Variants in TRMT2B observed in about 807,000 individuals in gnomAD.
TRMT2B encodes tRNA (uracil-5-)-methyltransferase homolog B.
TRMT2B carries 34 observed loss-of-function variants against 39.7 expected under a neutral mutation model. That is an observed-to-expected ratio of 0.86 (90% CI 0.65 to 1.14). The LOEUF is 1.14. Ranked by LOEUF, TRMT2B falls within the 50% of genes most tolerant of loss-of-function variation. TRMT2B has a pLI of 0.00. For missense variants in TRMT2B, 318 were observed against 377.2 expected (o/e 0.84, Z 1.30); for synonymous variants, 132 against 137.3 (o/e 0.96, Z 0.27).
At chrX:101,011,731 A>G (rs1315112541) in intron 13 of TRMT2B, among the ~76,000 whole-genome samples, 1 of 111,504 alleles carries the variant, frequency 9.0e-6, no homozygotes, top group Admixed American at 9.6e-5. Context: ...CTGTCTCTAC[A>G]AAAAACACAA....
intron 4 of TRMT2B, among the ~76,000 whole-genome samples, chrX:101,039,684 G>A (rs942666187): frequency 3.6e-5 from 4 of 111,281 alleles, no homozygotes; most frequent in Admixed American, 9.7e-5. Flanking sequence ...GATCGCTTGC[G>A]TCCAGGAGTT....
chrX:101,018,290 C>A (rs745856168), intron 13 of TRMT2B, among the ~76,000 whole-genome samples: 1 of 110,144 alleles, frequency 9.1e-6, no homozygotes, highest in South Asian at 3.9e-4. Flanking sequence ...CTTCAGTGAG[C>A]CGTGATTGTG....
the TRMT2B span, chrX:100,988,554 T>A: frequency 1.9e-6 from 2 of 1,059,747 alleles, no homozygotes; most frequent in Non-Finnish European, 2.5e-6. Flanking sequence ...ACAATATTTT[T>A]GAAGGTAATG....
chrX:100,973,619 G>A, the TRMT2B span: 1 of 1,098,414 alleles, frequency 9.1e-7, no homozygotes, highest in Non-Finnish European at 1.3e-6. Flanking sequence ...CTGACTAAAG[G>A]CTCAGTGTTT....
Position 101,035,180 on chromosome X carries a change from CAAGA to C in TRMT2B, c.609+429_609+432del, listed in dbSNP as rs770348340. Among the ~76,000 whole-genome samples the C allele has an allele frequency of 9.1e-4, 101 of 111,194 alleles. 1 individual carries two copies. The highest frequency in any genetic ancestry group is 3.1e-3 in the African/African-American group (96 of 30,640). On this transcript the variant is annotated intron_variant, in intron 7 of 13. Transcript: ENST00000372936. ...CTGCACAACATGGCAAGACCTCATCCAAGAAAGAAAGAAAAGAAAGAAAGAAAAA... is the reference window on the plus strand; with the variant it reads ...CTGCACAACATGGCAAGACCTCATCCAAGAAAGAAAAGAAAGAAAGAAAAA...
intron 13 of TRMT2B, among the ~76,000 whole-genome samples, chrX:101,018,128 C>A (rs190742964): frequency 1.3e-4 from 14 of 110,707 alleles, no homozygotes; most frequent in Middle Eastern, 9.4e-3. Flanking sequence ...ATCACCTGCA[C>A]CCAGGAGTTT....
chrX:101,020,621 T>G (rs1273870064), intron 10 of TRMT2B, 33 bp from the exon 11 acceptor site: 1 of 1,063,034 alleles, frequency 9.4e-7, no homozygotes, highest in Admixed American at 2.2e-5. Flanking sequence ...GAAGAAGGCA[T>G]TTTAGGGTTT....
chrX:100,983,886 G>A, the TRMT2B span, among the ~76,000 whole-genome samples: 10 of 110,730 alleles, frequency 9.0e-5, no homozygotes, highest in East Asian at 8.5e-4. Context: ...AACTTTTCAC[G>A]TTAATGACTC....
chrX:101,041,879 C>T (rs761798749), intron 3 of TRMT2B, among the ~76,000 whole-genome samples, 163 bp downstream of exon 3: 102 of 111,827 alleles, frequency 9.1e-4, no homozygotes, highest in Non-Finnish European at 1.5e-3. Context: ...AAAGCATTTC[C>T]ACCAATATTC....
the TRMT2B span, among the ~76,000 whole-genome samples, chrX:101,001,267 A>G: frequency 9.0e-5 from 10 of 110,881 alleles, no homozygotes; most frequent in Non-Finnish European, 1.7e-4. Flanking sequence ...ACTGGGCCAC[A>G]CGCTGTTACC....
At chrX:100,986,399 G>A in the TRMT2B span, among the ~76,000 whole-genome samples, 2 of 111,414 alleles carry the variant, frequency 1.8e-5, no homozygotes, top group Admixed American at 1.9e-4. Context: ...TCTCATCCCC[G>A]CCCCCATCTC....
chrX:100,993,356 C>T, the TRMT2B span, among the ~76,000 whole-genome samples: 1 of 112,140 alleles, frequency 8.9e-6, no homozygotes, highest in Non-Finnish European at 1.9e-5. Flanking sequence ...ATAAATATCG[C>T]TGGAGAATTC....
At chrX:101,029,147 C>T (rs1336712062) in intron 7 of TRMT2B, among the ~76,000 whole-genome samples, 1 of 111,432 alleles carries the variant, frequency 9.0e-6, no homozygotes, top group Non-Finnish European at 1.9e-5. Context: ...GTCAATTCCT[C>T]CAAAAAGCCA....
chrX:100,987,343 G>T, the TRMT2B span: 1 of 1,182,331 alleles, frequency 8.5e-7, no homozygotes, highest in Non-Finnish European at 1.1e-6. Flanking sequence ...CGGGCCCCAG[G>T]GGTCCCAGGC....
chrX:101,010,526 A>G lies in TRMT2B; in HGVS notation c.*55T>C. The G allele has an allele frequency of 3.4e-6, 4 of 1,193,089 alleles. No individual in the cohort carries two copies. Among genetic ancestry groups the G allele is most frequent in the Non-Finnish European group, 4.5e-6 (4 of 882,125 alleles). On this transcript the variant is annotated 3_prime_UTR_variant, in exon 14 of 14. Coordinates refer to ENST00000372936, the MANE Select transcript of TRMT2B (RefSeq NM_024917.6). The stretch of plus-strand genomic sequence containing the variant: ...GCAATGTAGCAATATGCCAAACCTG[A>G]AAGTTTCTGAAACTTCAGCCTTAAC...
At chrX:101,015,572 C>T in intron 13 of TRMT2B, 1 of 662,529 alleles carries the variant, frequency 1.5e-6, no homozygotes, top group Non-Finnish European at 1.8e-6. Flanking sequence ...TTTTCATATC[C>T]TCGGTTCATT....
chrX:101,001,803 A>G, the TRMT2B span, among the ~76,000 whole-genome samples: 1 of 99,789 alleles, frequency 1.0e-5, no homozygotes, highest in African/African-American at 3.7e-5. Flanking sequence ...AAATAAGCAA[A>G]TCACCGAATC....
intron 7 of TRMT2B, among the ~76,000 whole-genome samples, chrX:101,024,823 A>G (rs1335048938): frequency 2.7e-5 from 3 of 109,850 alleles, no homozygotes; most frequent in Non-Finnish European, 5.7e-5. Context: ...TCTATCTCAA[A>G]AAAACAGCAA....
chrX:101,051,192 G>T, intron 2 of TRMT2B, 59 bp downstream of exon 2: 1 of 674,620 alleles, frequency 1.5e-6, no homozygotes. Flanking sequence ...TAGGAAGGCA[G>T]GCTAACTCTC....
Sources: allele counts gnomAD v4.1 joint callset (sites outside exome capture counted in the v4.1 genomes callset), GRCh38; gene constraint gnomAD v4.1.1; transcripts MANE v1.5; gene names NCBI Gene and HGNC (gene_info 2026-07-23, HGNC 2026-07-21).